The following KANK1 variants were observed in gnomAD, a reference collection of about 807,000 sequenced individuals.
The protein encoded by KANK1 is KN motif and ankyrin repeat domain-containing protein 1.
KANK1 carries 109 observed loss-of-function variants against 106.2 expected under a neutral mutation model. The observed-to-expected ratio is 1.03, with a 90% CI of 0.88 to 1.20. The LOEUF is 1.20. Among genes scored for constraint, KANK1 ranks in the 50% most tolerant of loss-of-function variants. The probability of loss-of-function intolerance (pLI) is 0.00; values close to 1 mark genes in which losing one functional copy is unlikely to be tolerated. For synonymous variants in KANK1, 873 were observed against 652.2 expected, an observed-to-expected ratio of 1.34 and a Z score of -5.16; for missense variants, 2,399 against 1,710.7, an observed-to-expected ratio of 1.40 and a Z score of -7.10.
chr9:726,137 A>T (rs529478848), intron 3 of KANK1, among the ~76,000 whole-genome samples: 1 of 151,382 alleles, frequency 6.6e-6, no homozygotes, highest in African/African-American at 2.4e-5. Context: ...CCTCTTTTGT[A>T]TTTTTTTTTC....
intron 11 of KANK1, chr9:744,954 A>T: frequency 6.9e-7 from 1 of 1,455,156 alleles, no homozygotes; most frequent in Non-Finnish European, 9.0e-7. Context: ...GTTCACTCTG[A>T]GTGGGAAGGT....
intron 1 of KANK1, among the ~76,000 whole-genome samples, chr9:537,328 T>C (rs951442385): frequency 8.5e-5 from 13 of 152,306 alleles, no homozygotes; most frequent in African/African-American, 3.1e-4. Context: ...TGGAATTTGA[T>C]ACCAGTTCCT....
intron 1 of KANK1, among the ~76,000 whole-genome samples, chr9:594,997 T>G (rs1219318051): frequency 3.9e-5 from 6 of 151,954 alleles, no homozygotes; most frequent in Non-Finnish European, 8.8e-5. Flanking sequence ...TTTAAGAATT[T>G]TTATTCAGAA....
intron 2 of KANK1, among the ~76,000 whole-genome samples, chr9:688,705 T>G (rs1007535106): frequency 1.3e-5 from 2 of 152,110 alleles, no homozygotes; most frequent in African/African-American, 4.8e-5. Context: ...AGGGGAAGAT[T>G]ATTGTCAGGG....
At position 732,418 on chromosome 9, in the gene KANK1, AGCT is replaced by A. The variant is rs746837864; in HGVS notation, c.3047_3049del (p.Ser1016_Ser1017delinsThr). On this transcript the variant is annotated inframe_deletion, in exon 6 of 12. Transcript: ENST00000382297. ...AAGTGATGATTCCAGCTCAGATGAA[AGCT>A]CTTCTTCCGAGTCAGATGACGAGTG... 1 of 1,614,122 alleles carries A rather than the reference AGCT, an allele frequency of 6.2e-7. No homozygotes were observed. Among genetic ancestry groups the A allele is most frequent in the Non-Finnish European group, 8.5e-7 (1 of 1,179,972 alleles).
intron 1 of KANK1, among the ~76,000 whole-genome samples, chr9:573,113 A>C (rs1471886065): frequency 6.6e-6 from 1 of 152,210 alleles, no homozygotes; most frequent in Admixed American, 6.5e-5. Context: ...ATGCTGCTGC[A>C]GTCAGTCAAG....
At chr9:663,700 T>A (rs984251964) in intron 1 of KANK1, among the ~76,000 whole-genome samples, 6 of 152,142 alleles carry the variant, frequency 3.9e-5, no homozygotes, top group Non-Finnish European at 8.8e-5. Context: ...TATCTTTAAA[T>A]GTTCAGGAAG....
chr9:511,877 T>C (rs772429035), intron 1 of KANK1, among the ~76,000 whole-genome samples: 2 of 152,142 alleles, frequency 1.3e-5, no homozygotes, highest in Non-Finnish European at 2.9e-5. Context: ...AAATTTGTTT[T>C]ATGGTGTTTT....
intron 1 of KANK1, among the ~76,000 whole-genome samples, chr9:552,819 A>T (rs985545938): frequency 3.3e-5 from 5 of 152,280 alleles, no homozygotes; most frequent in African/African-American, 1.2e-4. Flanking sequence ...AGAATGAGCT[A>T]TTTTTCTACC....
intron 2 of KANK1, 105 bp downstream of exon 2, chr9:677,114 C>T: frequency 9.5e-7 from 1 of 1,053,446 alleles, no homozygotes; most frequent in African/African-American, 1.6e-5. Flanking sequence ...GCCTAGATAA[C>T]TAGGATTTCA....
At chr9:480,062 C>G (rs1302853678) in intron 3 of KANK1, among the ~76,000 whole-genome samples, 1 of 152,202 alleles carries the variant, frequency 6.6e-6, no homozygotes, top group Non-Finnish European at 1.5e-5. Context: ...ACGGAGTTCC[C>G]TTAAAACAGA....
At chr9:672,871 T>C (rs1454685147) in intron 1 of KANK1, among the ~76,000 whole-genome samples, 1 of 152,208 alleles carries the variant, frequency 6.6e-6, no homozygotes, top group Admixed American at 6.5e-5. Context: ...TGATGTATTT[T>C]CCTAAATCGT....
At chr9:697,191 A>G (rs923660702) in intron 2 of KANK1, among the ~76,000 whole-genome samples, 2 of 151,606 alleles carry the variant, frequency 1.3e-5, no homozygotes, top group African/African-American at 4.9e-5. Context: ...CATGGCCATG[A>G]TGGTTTTAAA....
chr9:677,041 A>G (rs1173526385), intron 2 of KANK1, 32 bp downstream of exon 2: 16 of 1,598,180 alleles, frequency 1.0e-5, no homozygotes, highest in Non-Finnish European at 1.4e-5. Context: ...TGTGTGTTAA[A>G]TGTATGTCTT....
intron 3 of KANK1, chr9:476,540 C>G (rs2058107402): frequency 6.6e-6 from 1 of 151,962 alleles, no homozygotes; most frequent in Admixed American, 6.6e-5. Flanking sequence ...AAAAAAAAAT[C>G]CCAGGTGTTC....
chr9:540,081 G>C (rs1157084645), intron 1 of KANK1, among the ~76,000 whole-genome samples: 2 of 152,286 alleles, frequency 1.3e-5, no homozygotes, highest in Non-Finnish European at 2.9e-5. Flanking sequence ...TTGAATAGAA[G>C]TGGTTAAGAG....
intron 7 of KANK1, among the ~76,000 whole-genome samples, chr9:736,316 G>A (rs960116050): frequency 5.3e-5 from 8 of 152,008 alleles, no homozygotes; most frequent in Non-Finnish European, 1.5e-5. Flanking sequence ...GTATTGTTTT[G>A]TATTACATAT....
At chr9:725,604 G>A (rs12347457) in intron 3 of KANK1, among the ~76,000 whole-genome samples, 22,489 of 151,856 alleles carry the variant, frequency 0.15, 1,877 homozygotes, top group Admixed American at 0.18. Flanking sequence ...AGTCAAAGTA[G>A]ACCACCTGCA....
At chr9:592,501 C>G (rs931115948) in intron 1 of KANK1, among the ~76,000 whole-genome samples, 1 of 151,848 alleles carries the variant, frequency 6.6e-6, no homozygotes, top group Non-Finnish European at 1.5e-5. Flanking sequence ...TCCGCTCTTT[C>G]ACTGGATACC....
Sources: gnomAD v4.1 joint callset for allele counts (sites outside exome capture counted in the v4.1 genomes callset) on GRCh38, gnomAD v4.1.1 for gene constraint, MANE v1.5 for transcripts, NCBI Gene and HGNC (gene_info 2026-07-23, HGNC 2026-07-21) for gene names.